Variants in TMEM161B observed in about 807,000 individuals in gnomAD.
The protein encoded by TMEM161B is transmembrane protein 161B.
TMEM161B carries 34 observed loss-of-function variants against 61.8 expected under a neutral mutation model. The ratio of observed to expected loss-of-function variants is 0.55; its 90% CI spans 0.42 to 0.73. The LOEUF is 0.73. Among genes scored for constraint, TMEM161B ranks in the 30% least tolerant of loss-of-function variants. The pLI is 0.00. For missense variants in TMEM161B, 456 were observed against 558.5 expected, an observed-to-expected ratio of 0.82 and a Z score of 1.85; for synonymous variants, 167 against 192.8, an observed-to-expected ratio of 0.87 and a Z score of 1.11.
chr5:88,211,508 C>T (rs1746756369), intron 5 of TMEM161B, among the ~76,000 whole-genome samples: 1 of 151,744 alleles, frequency 6.6e-6, no homozygotes, highest in East Asian at 2.0e-4. Context: ...ACCTGTAATC[C>T]CAGCACTTTG....
chr5:88,248,533 G>A (rs1300748203), intron 1 of TMEM161B, among the ~76,000 whole-genome samples: 2 of 151,914 alleles, frequency 1.3e-5, no homozygotes, highest in Admixed American at 1.3e-4. Flanking sequence ...GAGAGGGATC[G>A]CTCTGCTTAC....
chr5:88,197,868 T>TCTTGTGAAAGGA, intron 10 of TMEM161B, 103 bp from the exon 11 acceptor site: 1 of 923,108 alleles, frequency 1.1e-6, no homozygotes, highest in Non-Finnish European at 1.6e-6. Context: ...AGATAATCCT[T>TCTTGTGAAAGGA]TCACAAGAAG....
In TMEM161B at chr5:88,195,281, T is replaced by A. The variant is rs1016889725; in HGVS notation, c.*930A>T. The A allele has an allele frequency of 2.2e-6, 2 of 921,834 alleles. No homozygotes were observed. The highest frequency in any genetic ancestry group is 3.6e-5 in the African/African-American group (2 of 55,712). 57.1% of individuals were successfully genotyped at this position (921,834 alleles called of 1,614,324 possible). A position where few individuals can be genotyped will look rare whatever the true frequency, so the allele number is the denominator to read the frequency against. On this transcript the variant is annotated 3_prime_UTR_variant, in exon 12 of 12. Transcript: ENST00000296595. ...TAGATACAAATACATCTCATTCAAGTCACTTTTTAACATACATTCTGCAAC... is the reference window on the plus strand; with the variant it reads ...TAGATACAAATACATCTCATTCAAGACACTTTTTAACATACATTCTGCAAC...
Position 88,220,727 on chromosome 5 carries a change from G to GAAAAAAAAAAAAAAAAAAAAA in TMEM161B, c.290-29_290-9dup. On this transcript the variant is annotated splice_polypyrimidine_tract_variant and intron_variant, in intron 4 of 11. Coordinates refer to ENST00000296595, the MANE Select transcript of TMEM161B (RefSeq NM_153354.5). ...CTGGAAAGTAATGCAATGCTGGAAA[G>GAAAAAAAAAAAAAAAAAAAAA]AAAAAAAAAAAAAAAAAAAAAAAAG... 3.4e-6 allele frequency: 2 copies of GAAAAAAAAAAAAAAAAAAAAA among 581,450 alleles called. No individual in the cohort carries two copies. The highest frequency in any genetic ancestry group is 4.3e-6 in the Non-Finnish European group (2 of 466,910). The allele number at this position is 581,450 out of a possible 1,614,324, so 36.0% of individuals were successfully genotyped here. A position where few individuals can be genotyped will look rare whatever the true frequency, so the allele number is the denominator to read the frequency against.
chr5:88,239,759 T>G (rs541754591), intron 2 of TMEM161B, among the ~76,000 whole-genome samples: 15 of 152,052 alleles, frequency 9.9e-5, no homozygotes, highest in African/African-American at 3.6e-4. Flanking sequence ...TACAAATAAT[T>G]TAAAATAGAA....
intron 1 of TMEM161B, among the ~76,000 whole-genome samples, chr5:88,242,639 C>A (rs1427210700): frequency 1.3e-5 from 2 of 151,662 alleles, no homozygotes; most frequent in African/African-American, 4.8e-5. Flanking sequence ...AGTCTAGTTC[C>A]CCTTCTATAA....
rs774209958 is a variant in TMEM161B, at chr5:88,207,074, C to G, written c.553G>C (p.Val185Leu). 4 of 1,612,628 alleles carry G rather than the reference C, an allele frequency of 2.5e-6. No homozygotes were observed. The highest frequency in any genetic ancestry group is 2.5e-6 in the Non-Finnish European group (3 of 1,179,508). ...GFFFFVKAMA[V>L]LIVTENYLEF... The stretch of plus-strand genomic sequence containing the variant: ...AGATAATTTTCTGTTACAATCAACA[C>G]TGCCATTGCTTTGACAAAGAAAAAA... The change falls in exon 6 of 12, where the codon GTG becomes CTG. Residue 185 changes from valine (V) to leucine (L), a missense_variant. Val to Leu is a conservative substitution (Grantham distance 32). This residue lies in a region of TMEM161B where 367 missense variants were observed against 427.3 expected (regional missense o/e 0.86). Transcript: ENST00000296595.
At chr5:88,198,048 A>G (rs1750003329) in intron 10 of TMEM161B, 1 of 223,860 alleles carries the variant, frequency 4.5e-6, no homozygotes, top group African/African-American at 2.3e-5. Context: ...TAAGATTCAA[A>G]TGGTATATAT....
intron 1 of TMEM161B, among the ~76,000 whole-genome samples, chr5:88,250,441 C>T (rs528662409): frequency 6.6e-6 from 1 of 152,076 alleles, no homozygotes; most frequent in Non-Finnish European, 1.5e-5. Context: ...CATATAAGAA[C>T]ACAGACAAAG....
rs140038251 is a variant in TMEM161B at position 88,233,418 on chromosome 5, T to C, written c.108-4890A>G. On this transcript the variant is annotated intron_variant, in intron 2 of 11. Transcript: ENST00000296595. ...AAAAGCACAGAGGCATGAAAGAACA[T>C]AGGACATTACAGTAACTAAAAGGCA... Among the ~76,000 whole-genome samples, 479 of 152,078 alleles carry C rather than the reference T, an allele frequency of 3.1e-3. 2 individuals carry two copies. Among genetic ancestry groups the C allele is most frequent in the Middle Eastern group, 0.02 (6 of 294 alleles).
chr5:88,190,791 T>A (rs1027541360), downstream of TMEM161B, among the ~76,000 whole-genome samples: 3 of 152,232 alleles, frequency 2.0e-5, no homozygotes, highest in African/African-American at 7.2e-5. Context: ...TTGATTTCAG[T>A]CCCATCTGGT....
At position 88,189,707 on chromosome 5, in the gene TMEM161B, T is replaced by C. The variant is rs1358667110; in HGVS notation, c.*345A>G. On this transcript the variant is annotated 3_prime_UTR_variant, in exon 13 of 13. Transcript: ENST00000514135. ...GCTGTAACTCAATTTCACCTAACTC[T>C]TGGGGAGTGCCTGGAAGTCCCCACA... 3 of 188,978 alleles carry C rather than the reference T, an allele frequency of 1.6e-5. No individual in the cohort carries two copies. In the East Asian group the frequency reaches 3.9e-4, roughly 24 times the overall value. The allele number at this position is 188,978 out of a possible 1,614,324, so 11.7% of individuals were successfully genotyped here.
intron 3 of TMEM161B, among the ~76,000 whole-genome samples, chr5:88,227,748 G>A (rs2112574381): frequency 6.6e-6 from 1 of 152,100 alleles, no homozygotes; most frequent in South Asian, 2.1e-4. Context: ...GAGTCACAGG[G>A]GACCTAAGAA....
At chr5:88,206,054 TAAA>T in intron 7 of TMEM161B, 100 bp from the exon 8 acceptor site, 3 of 978,782 alleles carry the variant, frequency 3.1e-6, no homozygotes, top group Non-Finnish European at 4.5e-6. Context: ...ACAATAACAG[TAAA>T]ACAAAGCAAA....
chr5:88,201,448 G>A (rs1041261406), intron 9 of TMEM161B: 1 of 152,000 alleles, frequency 6.6e-6, no homozygotes. Flanking sequence ...GTTATTTCAT[G>A]TATAAAATAG....
chr5:88,215,840 T>A (rs1407284466), intron 5 of TMEM161B, among the ~76,000 whole-genome samples: 1 of 152,250 alleles, frequency 6.6e-6, no homozygotes, highest in African/African-American at 2.4e-5. Flanking sequence ...AAGTATATTT[T>A]TCTAATTTCT....
chr5:88,205,866 G>C lies in TMEM161B; in HGVS notation c.748C>G (p.Leu250Val). Residue 250 changes from leucine to valine, a missense_variant, in exon 8 of 12, where the codon CTG (leucine) becomes GTG (valine). Around this residue, in one of 3 missense-constraint regions of TMEM161B, gnomAD observed 367 missense variants for 427.3 expected, o/e 0.86. Coordinates refer to ENST00000296595, the MANE Select transcript of TMEM161B (RefSeq NM_153354.5). ...GAFLTFPGLR[L>V]AQMHLDALNL... ...AGGGCATCCAGATGCATTTGAGCCA[G>C]TCGTAATCCAGGAAATGTCAAAAAA... The C allele has an allele frequency of 6.2e-7, 1 of 1,612,886 alleles. No individual in the cohort carries two copies. Among genetic ancestry groups the C allele is most frequent in the Non-Finnish European group, 8.5e-7 (1 of 1,179,366 alleles).
chr5:88,209,758 C>A (rs1449302156), intron 5 of TMEM161B, among the ~76,000 whole-genome samples: 1 of 152,144 alleles, frequency 6.6e-6, no homozygotes, highest in Non-Finnish European at 1.5e-5. Context: ...CATGTTCAAG[C>A]TTTCATTCAA....
intron 1 of TMEM161B, among the ~76,000 whole-genome samples, chr5:88,261,730 C>CAAAAA (rs70996464): frequency 3.4e-4 from 17 of 49,302 alleles, no homozygotes; most frequent in Non-Finnish European, 4.5e-4. Flanking sequence ...CATTCATGTG[C>CAAAAA]AAAAAAAAAA....
Sources: allele counts gnomAD v4.1 joint callset (sites outside exome capture counted in the v4.1 genomes callset), GRCh38; gene constraint gnomAD v4.1.1; regional missense constraint gnomAD v4.1.1; transcripts MANE v1.5; gene names NCBI Gene and HGNC (gene_info 2026-07-23, HGNC 2026-07-21).